Variants in ZNF804A observed in about 807,000 individuals in gnomAD.
The protein encoded by ZNF804A is zinc finger protein 804A.
Under a neutral mutation model 16.5 loss-of-function variants are expected in ZNF804A, and 2 were observed. The ratio of observed to expected loss-of-function variants is 0.12; its 90% CI spans 0.05 to 0.38. ZNF804A has a LOEUF of 0.38. ZNF804A is among the 10% of genes least tolerant of loss of function. The probability of loss-of-function intolerance (pLI) is 0.99; values close to 1 mark genes in which losing one functional copy is unlikely to be tolerated. For missense variants in ZNF804A, 1,473 were observed against 1,390.7 expected (o/e 1.06, Z -0.94); for synonymous variants, 534 against 489.6 (o/e 1.09, Z -1.20).
intron 1 of ZNF804A, among the ~76,000 whole-genome samples, chr2:184,670,650 T>C (rs963018313): frequency 6.6e-6 from 1 of 152,118 alleles, no homozygotes; most frequent in African/African-American, 2.4e-5. Context: ...TACAATTCAA[T>C]ATTTTCTTAT....
intron 1 of ZNF804A, among the ~76,000 whole-genome samples, chr2:184,639,192 G>A (rs986398955): frequency 1.3e-5 from 2 of 148,752 alleles, no homozygotes; most frequent in Admixed American, 6.8e-5. Context: ...TCTTGCTTCA[G>A]CCTCCCAAGT....
intron 1 of ZNF804A, among the ~76,000 whole-genome samples, chr2:184,818,832 T>C (rs1695025436): frequency 6.6e-6 from 1 of 151,958 alleles, no homozygotes. Flanking sequence ...TACAAAATGG[T>C]AAGGGGTTCA....
At chr2:184,668,810 A>G (rs1692294412) in intron 1 of ZNF804A, among the ~76,000 whole-genome samples, 1 of 152,028 alleles carries the variant, frequency 6.6e-6, no homozygotes, top group Admixed American at 6.6e-5. Flanking sequence ...TATTATGTCT[A>G]TGGAAATAAT....
intron 1 of ZNF804A, among the ~76,000 whole-genome samples, chr2:184,835,025 C>T (rs1473658475): frequency 6.6e-6 from 1 of 152,162 alleles, no homozygotes; most frequent in Non-Finnish European, 1.5e-5. Context: ...ATTTGGCAGG[C>T]ACAGAACTAG....
intron 1 of ZNF804A, among the ~76,000 whole-genome samples, chr2:184,706,310 G>A (rs1693029819): frequency 6.6e-6 from 1 of 152,160 alleles, no homozygotes; most frequent in Admixed American, 6.5e-5. Flanking sequence ...TGTGTACATG[G>A]TATATGTTGT....
At chr2:184,896,165 T>A (rs985641124) in intron 2 of ZNF804A, among the ~76,000 whole-genome samples, 2 of 152,118 alleles carry the variant, frequency 1.3e-5, no homozygotes, top group African/African-American at 4.8e-5. Flanking sequence ...ACCTACCTAG[T>A]ATCAATCACC....
intron 1 of ZNF804A, among the ~76,000 whole-genome samples, chr2:184,854,712 A>G (rs772883316): frequency 1.9e-4 from 29 of 152,068 alleles, no homozygotes; most frequent in Non-Finnish European, 3.1e-4. Flanking sequence ...AAGTGCTATA[A>G]TGAAAGTGAT....
intron 2 of ZNF804A, among the ~76,000 whole-genome samples, chr2:184,873,975 G>A (rs1393250245): frequency 6.6e-6 from 1 of 152,088 alleles, no homozygotes; most frequent in African/African-American, 2.4e-5. Context: ...TAATAGGTAT[G>A]AACAACAATA....
At chr2:184,911,760 A>G (rs1456651861) in intron 2 of ZNF804A, among the ~76,000 whole-genome samples, 1 of 151,652 alleles carries the variant, frequency 6.6e-6, no homozygotes, top group Non-Finnish European at 1.5e-5. Flanking sequence ...TTTTGCTCTC[A>G]GCTTGAATGT....
At chr2:184,785,679 G>A (rs1694435991) in intron 1 of ZNF804A, among the ~76,000 whole-genome samples, 1 of 151,758 alleles carries the variant, frequency 6.6e-6, no homozygotes, top group Admixed American at 6.6e-5. Context: ...TAAATAGGTA[G>A]GCATATACAT....
At chr2:184,847,107 G>A (rs192879516) in intron 1 of ZNF804A, among the ~76,000 whole-genome samples, 29 of 152,184 alleles carry the variant, frequency 1.9e-4, no homozygotes, top group Non-Finnish European at 3.5e-4. Context: ...TCTTGTTCCA[G>A]TTCTCAGAAA....
chr2:184,876,690 C>T (rs1376772793), intron 2 of ZNF804A, among the ~76,000 whole-genome samples: 2 of 152,122 alleles, frequency 1.3e-5, no homozygotes. Context: ...AGAATCATTT[C>T]TAGCATCTGA....
chr2:184,925,040 A>G (rs1260401833), intron 2 of ZNF804A, among the ~76,000 whole-genome samples: 1 of 151,948 alleles, frequency 6.6e-6, no homozygotes, highest in East Asian at 1.9e-4. Flanking sequence ...TGTGTCGTAA[A>G]TATCTATTAA....
chr2:184,850,972 A>G (rs1035980153), intron 1 of ZNF804A, among the ~76,000 whole-genome samples: 7 of 151,746 alleles, frequency 4.6e-5, no homozygotes, highest in African/African-American at 1.4e-4. Flanking sequence ...ACTCCCAACC[A>G]TGAGCGGTTA....
intron 1 of ZNF804A, among the ~76,000 whole-genome samples, chr2:184,836,839 C>T (rs1695355803): frequency 6.6e-6 from 1 of 151,758 alleles, no homozygotes; most frequent in Non-Finnish European, 1.5e-5. Flanking sequence ...GTGCCATATG[C>T]TTTGTGATTG....
intron 1 of ZNF804A, among the ~76,000 whole-genome samples, chr2:184,738,541 C>T (rs1693668659): frequency 6.6e-6 from 1 of 152,156 alleles, no homozygotes; most frequent in South Asian, 2.1e-4. Flanking sequence ...GAACATAGTT[C>T]ATTTCACACC....
intron 1 of ZNF804A, among the ~76,000 whole-genome samples, chr2:184,770,495 C>T (rs1694192846): frequency 6.7e-6 from 1 of 148,594 alleles, no homozygotes; most frequent in African/African-American, 2.6e-5. Flanking sequence ...GGAGAAGGGA[C>T]TGACTACCTA....
In ZNF804A at chr2:184,920,055, C is replaced by T. The variant is rs542205122; in HGVS notation, c.256-13548C>T. On this transcript the variant is annotated intron_variant, in intron 2 of 3. Transcript: ENST00000302277. ...AGTTGAACCTGGGAGGAGGAGGTTG[C>T]GGTGAGCCTAGATTGCACCACTGCA... Among the ~76,000 whole-genome samples, 48 of 152,190 alleles carry T rather than the reference C, an allele frequency of 3.2e-4. No individual in the cohort carries two copies. In the South Asian group the frequency reaches 9.6e-3, roughly 30 times the overall value.
At chr2:184,810,906 G>T (rs920054873) in intron 1 of ZNF804A, among the ~76,000 whole-genome samples, 6 of 152,104 alleles carry the variant, frequency 3.9e-5, no homozygotes, top group Non-Finnish European at 8.8e-5. Context: ...TCTCTGAAAA[G>T]GTGTCTTTAT....
Sources: allele counts gnomAD v4.1 joint callset (sites outside exome capture counted in the v4.1 genomes callset), GRCh38; gene constraint gnomAD v4.1.1; transcripts MANE v1.5; gene names NCBI Gene and HGNC (gene_info 2026-07-23, HGNC 2026-07-21).